KCNQ5: variants seen among roughly 807,000 people sequenced by gnomAD.
KCNQ5 encodes potassium voltage-gated channel subfamily KQT member 5.
Under a neutral mutation model 98.2 loss-of-function variants are expected in KCNQ5, and 30 were observed. The ratio of observed to expected loss-of-function variants is 0.31; its 90% CI spans 0.23 to 0.41. The LOEUF is 0.41. Ranked by LOEUF, KCNQ5 falls within the 10% of genes least tolerant of loss-of-function variation. The pLI is 1.00. For missense variants in KCNQ5, 835 were observed against 1,182.5 expected (o/e 0.71, Z 4.31); for synonymous variants, 458 against 449.4 (o/e 1.02, Z -0.24).
intron 1 of KCNQ5, among the ~76,000 whole-genome samples, chr6:72,883,438 C>G (rs958119765): frequency 6.6e-6 from 1 of 151,986 alleles, no homozygotes; most frequent in Non-Finnish European, 1.5e-5. Flanking sequence ...AAAAAAATCC[C>G]TGAAACATCC....
intron 1 of KCNQ5, among the ~76,000 whole-genome samples, chr6:72,965,839 C>G (rs2150275523): frequency 6.6e-6 from 1 of 152,140 alleles, no homozygotes; most frequent in East Asian, 1.9e-4. Context: ...CCCACTTTGT[C>G]TATGTGTAAG....
intron 1 of KCNQ5, among the ~76,000 whole-genome samples, chr6:72,668,216 T>C (rs1766924835): frequency 1.3e-5 from 2 of 152,144 alleles, no homozygotes; most frequent in African/African-American, 2.4e-5. Flanking sequence ...CTTAATAAGT[T>C]CAAAATTTTA....
At chr6:72,923,035 C>T (rs1041045299) in intron 1 of KCNQ5, among the ~76,000 whole-genome samples, 4 of 152,048 alleles carry the variant, frequency 2.6e-5, no homozygotes, top group African/African-American at 9.7e-5. Context: ...TGGTCTCAAA[C>T]TCCTGACCTC....
intron 1 of KCNQ5, among the ~76,000 whole-genome samples, chr6:72,906,412 A>G (rs1019385394): frequency 1.3e-5 from 2 of 152,204 alleles, no homozygotes; most frequent in Non-Finnish European, 2.9e-5. Context: ...AGTTCTGATC[A>G]GGAGGCTTCT....
intron 10 of KCNQ5, among the ~76,000 whole-genome samples, chr6:73,148,628 T>C (rs776515355): frequency 3.9e-5 from 6 of 152,256 alleles, no homozygotes; most frequent in Non-Finnish European, 8.8e-5. Flanking sequence ...GCCATAGGTA[T>C]AATCAACCAT....
chr6:72,812,099 G>T (rs1030637480), intron 1 of KCNQ5, among the ~76,000 whole-genome samples: 3 of 152,146 alleles, frequency 2.0e-5, no homozygotes, highest in African/African-American at 7.2e-5. Context: ...ATTACAATTA[G>T]CTTATAATGA....
chr6:72,789,135 T>G (rs187263956), intron 1 of KCNQ5, among the ~76,000 whole-genome samples: 1 of 151,862 alleles, frequency 6.6e-6, no homozygotes, highest in African/African-American at 2.4e-5. Flanking sequence ...CCACCCTCCA[T>G]GGTTTTTGTT....
chr6:72,977,690 T>C (rs548304264), intron 1 of KCNQ5, among the ~76,000 whole-genome samples: 1 of 152,308 alleles, frequency 6.6e-6, no homozygotes, highest in South Asian at 2.1e-4. Flanking sequence ...CTGACCACTT[T>C]GTCCATACGT....
intron 1 of KCNQ5, among the ~76,000 whole-genome samples, chr6:72,852,366 C>T (rs557214753): frequency 1.3e-5 from 2 of 151,634 alleles, no homozygotes; most frequent in East Asian, 3.9e-4. Context: ...CCTATGTGCC[C>T]ATCAATGGAT....
chr6:72,726,593 G>T (rs940992260), intron 1 of KCNQ5, among the ~76,000 whole-genome samples: 2 of 152,052 alleles, frequency 1.3e-5, no homozygotes, highest in African/African-American at 4.8e-5. Context: ...GGTAAACAGG[G>T]CACCTTTAAA....
intron 1 of KCNQ5, among the ~76,000 whole-genome samples, chr6:72,979,125 C>T (rs1338745623): frequency 6.6e-6 from 1 of 152,158 alleles, no homozygotes; most frequent in African/African-American, 2.4e-5. Context: ...GTGAATAGTG[C>T]CGCAGTAAAC....
At chr6:73,024,987 T>G (rs1321997359) in intron 2 of KCNQ5, among the ~76,000 whole-genome samples, 1 of 152,244 alleles carries the variant, frequency 6.6e-6, no homozygotes, top group South Asian at 2.1e-4. Context: ...ACTCAACATT[T>G]GATTGAGAGG....
intron 2 of KCNQ5, among the ~76,000 whole-genome samples, chr6:73,007,707 G>C (rs747496229): frequency 8.5e-5 from 13 of 152,142 alleles, no homozygotes; most frequent in Non-Finnish European, 1.6e-4. Context: ...GCCAGGATGG[G>C]CAAAAAGAAC....
At chr6:73,150,832 A>ATGTG (rs35693535) in intron 10 of KCNQ5, among the ~76,000 whole-genome samples, 7,254 of 148,128 alleles carry the variant, frequency 0.049, 201 homozygotes, top group South Asian at 0.079. Context: ...ATATATATAT[A>ATGTG]TGTGTGTGTG....
chr6:73,187,509 G>A (rs1451725821), intron 11 of KCNQ5, among the ~76,000 whole-genome samples: 1 of 152,070 alleles, frequency 6.6e-6, no homozygotes, highest in African/African-American at 2.4e-5. Context: ...ACATAAAGTA[G>A]GAAAATCTGT....
At chr6:72,996,194 G>A (rs1476879191) in intron 1 of KCNQ5, among the ~76,000 whole-genome samples, 1 of 152,154 alleles carries the variant, frequency 6.6e-6, no homozygotes, top group African/African-American at 2.4e-5. Flanking sequence ...TGGGAATGAA[G>A]TTAATCCATA....
intron 9 of KCNQ5, among the ~76,000 whole-genome samples, chr6:73,124,966 TATATATATATATATACACACAC>T (rs1330717627): frequency 0.28 from 5,512 of 20,042 alleles, 490 homozygotes; most frequent in African/African-American, 0.46. Context: ...TATATATATA[TATATATATATATATACACACAC>T]ACACATATAT....
chr6:72,886,149 C>A (rs1006311111), intron 1 of KCNQ5, among the ~76,000 whole-genome samples: 1 of 152,152 alleles, frequency 6.6e-6, no homozygotes, highest in African/African-American at 2.4e-5. Context: ...TCAAAGATTG[C>A]AGATAGTGTG....
At chr6:72,683,797 T>G (rs1767824158) in intron 1 of KCNQ5, among the ~76,000 whole-genome samples, 1 of 152,162 alleles carries the variant, frequency 6.6e-6, no homozygotes, top group Non-Finnish European at 1.5e-5. Context: ...GCTTACCAAC[T>G]TACCAAGTTA....
Sources: gnomAD v4.1 joint callset for allele counts (sites outside exome capture counted in the v4.1 genomes callset) on GRCh38, gnomAD v4.1.1 for gene constraint, MANE v1.5 for transcripts, NCBI Gene and HGNC (gene_info 2026-07-23, HGNC 2026-07-21) for gene names.